EXOC4: variants seen among roughly 807,000 people sequenced by gnomAD.
The protein encoded by EXOC4 is SEC8-like 1.
A neutral mutation model predicts 107.2 loss-of-function variants in EXOC4; 71 were observed. The ratio of observed to expected loss-of-function variants is 0.66; its 90% CI spans 0.55 to 0.81. The LOEUF (loss-of-function observed/expected upper bound fraction) is 0.81. EXOC4 is among the 30% of genes least tolerant of loss of function. EXOC4 has a pLI of 0.00. For missense variants in EXOC4, 1,108 were observed against 1,189.6 expected (o/e 0.93, Z 1.01); for synonymous variants, 456 against 441.2 (o/e 1.03, Z -0.42).
At chr7:133,997,120 A>G (rs1295059842) in intron 14 of EXOC4, among the ~76,000 whole-genome samples, 1 of 152,232 alleles carries the variant, frequency 6.6e-6, no homozygotes, top group East Asian at 1.9e-4. Context: ...CAGAATGTGG[A>G]CAGCCACTTG....
At chr7:134,075,863 C>T in the EXOC4 span, among the ~76,000 whole-genome samples, 2 of 152,302 alleles carry the variant, frequency 1.3e-5, no homozygotes, top group East Asian at 3.9e-4. Context: ...AGATAGTGAC[C>T]ACTCACTCAG....
intron 17 of EXOC4, 166 bp downstream of exon 17, chr7:134,008,001 A>G (rs1415039724): frequency 6.6e-6 from 4 of 609,616 alleles, no homozygotes; most frequent in Non-Finnish European, 1.0e-5. Context: ...ATTCCACAGA[A>G]TTCTATTGAA....
chr7:133,441,392 C>T (rs1353131458), intron 7 of EXOC4, among the ~76,000 whole-genome samples: 2 of 152,004 alleles, frequency 1.3e-5, no homozygotes, highest in Non-Finnish European at 2.9e-5. Flanking sequence ...TTCTAATTGT[C>T]TTTTTGCCTT....
chr7:133,857,195 TA>T (rs1563029969), intron 11 of EXOC4, among the ~76,000 whole-genome samples: 4 of 33,758 alleles, frequency 1.2e-4, no homozygotes, highest in Non-Finnish European at 1.5e-4. Flanking sequence ...TATATATATA[TA>T]TATATTTTAC....
intron 9 of EXOC4, among the ~76,000 whole-genome samples, chr7:133,561,949 A>G (rs1461889613): frequency 6.6e-6 from 1 of 152,222 alleles, no homozygotes; most frequent in Non-Finnish European, 1.5e-5. Context: ...TTTATCTCAA[A>G]TGTATGCATA....
At chr7:133,527,475 T>G (rs565980370) in intron 9 of EXOC4, among the ~76,000 whole-genome samples, 40 of 152,146 alleles carry the variant, frequency 2.6e-4, no homozygotes, top group Non-Finnish European at 4.4e-4. Flanking sequence ...TCTATGTTGG[T>G]TAACTAAAGA....
rs568333033 is a variant in EXOC4 at position 133,699,194 on chromosome 7, C to G, written c.1514+69053C>G. 5.3e-5 allele frequency among the ~76,000 whole-genome samples: 8 copies of G among 152,228 alleles called. No homozygotes were observed. The South Asian group carries it at 1.5e-3, about 28-fold the overall frequency. ...TCTCTCTGTTTGGAATTCTCTTTCCCTTTTTTGCTCCTGGAGCAAATTGGT... is the reference window on the plus strand; with the variant it reads ...TCTCTCTGTTTGGAATTCTCTTTCCGTTTTTTGCTCCTGGAGCAAATTGGT... On this transcript the variant is annotated intron_variant, in intron 10 of 17. Transcript: ENST00000253861.
chr7:133,849,001 T>C (rs1798189749), intron 11 of EXOC4, among the ~76,000 whole-genome samples: 1 of 152,228 alleles, frequency 6.6e-6, no homozygotes, highest in Non-Finnish European at 1.5e-5. Context: ...AAAATCTTGT[T>C]TGATAGCTTT....
At chr7:133,695,148 T>C (rs1794505178) in intron 10 of EXOC4, among the ~76,000 whole-genome samples, 1 of 149,900 alleles carries the variant, frequency 6.7e-6, no homozygotes, top group African/African-American at 2.5e-5. Flanking sequence ...ACTATGGTAA[T>C]CAACAATCTA....
chr7:133,600,930 G>A (rs1224640812), intron 9 of EXOC4, among the ~76,000 whole-genome samples: 4 of 152,136 alleles, frequency 2.6e-5, no homozygotes, highest in Admixed American at 2.0e-4. Flanking sequence ...ACTATGTATA[G>A]ATTATGCTAA....
At chr7:133,443,974 C>T (rs1798161749) in intron 7 of EXOC4, among the ~76,000 whole-genome samples, 4 of 152,144 alleles carry the variant, frequency 2.6e-5, no homozygotes, top group Non-Finnish European at 1.5e-5. Context: ...ACCGCAGGAA[C>T]TATGTAGTTC....
intron 10 of EXOC4, among the ~76,000 whole-genome samples, chr7:133,683,348 G>A (rs537758476): frequency 3.9e-5 from 6 of 152,200 alleles, no homozygotes; most frequent in Admixed American, 2.6e-4. Flanking sequence ...TTTATTCTAC[G>A]TCTGACTTGT....
At chr7:133,922,184 C>A (rs756473762) in intron 13 of EXOC4, among the ~76,000 whole-genome samples, 92 of 152,114 alleles carry the variant, frequency 6.0e-4, no homozygotes, top group Middle Eastern at 6.8e-3. Flanking sequence ...TGAGAATGTG[C>A]ACATATCAAA....
chr7:133,458,171 A>G (rs566986193), intron 7 of EXOC4, among the ~76,000 whole-genome samples: 1 of 152,272 alleles, frequency 6.6e-6, no homozygotes, highest in South Asian at 2.1e-4. Flanking sequence ...CATCTCATTC[A>G]TTATTGCACT....
intron 13 of EXOC4, among the ~76,000 whole-genome samples, chr7:133,918,070 C>T (rs919548028): frequency 2.0e-5 from 3 of 151,762 alleles, no homozygotes. Flanking sequence ...GCAAACTCCA[C>T]CTCCTGGGTT....
At chr7:134,096,930 ACACT>A in the EXOC4 span, among the ~76,000 whole-genome samples, 1 of 152,192 alleles carries the variant, frequency 6.6e-6, no homozygotes, top group Admixed American at 6.5e-5. Flanking sequence ...AATCAAGTTG[ACACT>A]CAATATTAAC....
In EXOC4 at chr7:133,604,706, CTTTCT is replaced by C. The variant is rs1453616972; in HGVS notation, c.1418-25335_1418-25331del. On this transcript the variant is annotated intron_variant, in intron 9 of 17. Transcript: ENST00000253861. ...TTTTTCTTTCCTTCCTTCCTTCCTT[CTTTCT>C]TTTTTTTTTTTTTTTTTTTTTTTTT... Among the ~76,000 whole-genome samples, 43 of 87,546 alleles carry C rather than the reference CTTTCT, an allele frequency of 4.9e-4. 2 individuals carry two copies. Among genetic ancestry groups the C allele is most frequent in the African/African-American group, 1.1e-3 (24 of 22,712 alleles). The allele number at this position is 87,546 out of a possible 152,430, so 57.4% of individuals were successfully genotyped here.
chr7:133,982,855 T>G (rs751968646), intron 14 of EXOC4, among the ~76,000 whole-genome samples: 6 of 152,204 alleles, frequency 3.9e-5, no homozygotes, highest in Non-Finnish European at 5.9e-5. Context: ...TACTTGGTAC[T>G]TACCTGCTGG....
chr7:133,552,129 CTGACTACA>C (rs1191120647), intron 9 of EXOC4, among the ~76,000 whole-genome samples: 1 of 152,090 alleles, frequency 6.6e-6, no homozygotes, highest in African/African-American at 2.4e-5. Context: ...TGGTTGCATT[CTGACTACA>C]TGATATTGCA....
Sources: gnomAD v4.1 joint callset for allele counts (sites outside exome capture counted in the v4.1 genomes callset) on GRCh38, gnomAD v4.1.1 for gene constraint, MANE v1.5 for transcripts, NCBI Gene and HGNC (gene_info 2026-07-23, HGNC 2026-07-21) for gene names.